HPS5: variants seen among roughly 807,000 people sequenced by gnomAD.
HPS5 encodes the protein BLOC-2 complex member HPS5.
A neutral mutation model predicts 128.0 loss-of-function variants in HPS5; 83 were observed. The observed-to-expected ratio is 0.65, with a 90% CI of 0.54 to 0.78. The LOEUF is 0.78. Among genes scored for constraint, HPS5 ranks in the 30% least tolerant of loss-of-function variants. HPS5 has a pLI of 0.00. For synonymous variants in HPS5, 475 were observed against 470.2 expected (o/e 1.01, Z -0.13); for missense variants, 1,281 against 1,326.2 (o/e 0.97, Z 0.53).
At position 18,311,899 on chromosome 11, in the gene HPS5, T is replaced by C; in HGVS notation, c.219+15A>G. 1 of 1,483,494 alleles carries C rather than the reference T, an allele frequency of 6.7e-7. No individual in the cohort carries two copies. Among genetic ancestry groups the C allele is most frequent in the Non-Finnish European group, 9.4e-7 (1 of 1,060,632 alleles). The allele number at this position is 1,483,494 out of a possible 1,614,324, so 91.9% of individuals were successfully genotyped here. A position where few individuals can be genotyped will look rare whatever the true frequency, so the allele number is the denominator to read the frequency against. On this transcript the variant is annotated intron_variant, in intron 3 of 22. Transcript: ENST00000349215. ...GACTCCAAATGGTGTATGACAGAGC[T>C]GCCCTTAATCTTACCCTGTGTGAAA...
chr11:18,283,636 A>G (rs1321505580), intron 21 of HPS5, among the ~76,000 whole-genome samples, 159 bp downstream of exon 21: 2 of 152,150 alleles, frequency 1.3e-5, no homozygotes, highest in Admixed American at 1.3e-4. Flanking sequence ...TATAGGTAAA[A>G]AACAAAAACA....
In HPS5 at chr11:18,300,688, C is replaced by A. The variant is rs539706425; in HGVS notation, c.985+140G>T. The A allele has an allele frequency of 2.1e-4, 113 of 536,120 alleles. 2 individuals are homozygous for A. The East Asian group carries it at 2.6e-3, about 12-fold the overall frequency. 33.2% of individuals were successfully genotyped at this position (536,120 alleles called of 1,614,324 possible). A position where few individuals can be genotyped will look rare whatever the true frequency, so the allele number is the denominator to read the frequency against. ...CTCCAGCCTGGGTGACAGAGCAAGACTTAGTCTCAAAAAAAAAAAAAAAAA... is the reference window on the plus strand; with the variant it reads ...CTCCAGCCTGGGTGACAGAGCAAGAATTAGTCTCAAAAAAAAAAAAAAAAA... On this transcript the variant is annotated intron_variant, in intron 9 of 22. Coordinates refer to ENST00000349215, the MANE Select transcript of HPS5 (RefSeq NM_181507.2).
At chr11:18,307,729 TA>T (rs1259822971) in intron 6 of HPS5, among the ~76,000 whole-genome samples, 25 of 144,518 alleles carry the variant, frequency 1.7e-4, no homozygotes, top group African/African-American at 2.5e-4. Flanking sequence ...GTCTCAGCTT[TA>T]AAAAAAAAAA....
chr11:18,321,745 G>A (rs1864387107), intron 1 of HPS5, among the ~76,000 whole-genome samples: 1 of 152,118 alleles, frequency 6.6e-6, no homozygotes, highest in South Asian at 2.1e-4. Context: ...TTTCACAATG[G>A]GATCTTTCTA....
intron 8 of HPS5, among the ~76,000 whole-genome samples, chr11:18,302,168 T>C (rs987095248): frequency 6.6e-6 from 1 of 152,272 alleles, no homozygotes. Flanking sequence ...TTGGTTCTCT[T>C]TCTCTCCAGT....
At position 18,286,695 on chromosome 11, in the gene HPS5, C is replaced by A; in HGVS notation, c.2733G>T (p.Glu911Asp). 1 of 1,613,906 alleles carries A rather than the reference C, an allele frequency of 6.2e-7. No homozygotes were observed. The highest frequency in any genetic ancestry group is 8.5e-7 in the Non-Finnish European group (1 of 1,179,960). The change falls in exon 19 of 23, where the codon GAG (glutamate) becomes GAT (aspartate). Residue 911 changes from glutamate to aspartate, a missense_variant. By Grantham distance (45) the Glu-to-Asp change is conservative. Transcript: ENST00000349215. ...RPEDQRSSFLESLLQPESLRL... is the reference protein window; with the variant it reads ...RPEDQRSSFLDSLLQPESLRL... ...TTAAAGACTCTGGTTGCAGAAGGGA[C>A]TCAAGAAAAGATGACCTAAGAGAAA...
At position 18,291,834 on chromosome 11, in the gene HPS5, A is replaced by ATGATTT; in HGVS notation, c.2047_2048insAAATCA (p.Gly682_Ile683insLysIle). The stretch of plus-strand genomic sequence containing the variant: ...TTCTTTTTCATTATCTTCATCTAAT[A>ATGATTT]TTCCCTTTTTTGATTCATTAACTAA... On this transcript the variant is annotated inframe_insertion, in exon 16 of 23. Coordinates refer to ENST00000349215, the MANE Select transcript of HPS5 (RefSeq NM_181507.2). 1 of 1,611,896 alleles carries ATGATTT rather than the reference A, an allele frequency of 6.2e-7. No individual in the cohort carries two copies. The highest frequency in any genetic ancestry group is 8.5e-7 in the Non-Finnish European group (1 of 1,179,220).
intron 22 of HPS5, chr11:18,280,655 G>A (rs1858777692): frequency 3.0e-6 from 2 of 674,492 alleles, no homozygotes; most frequent in East Asian, 2.8e-5. Flanking sequence ...GTCAACAGAT[G>A]AATGGATAAA....
chr11:18,312,119 C>A, intron 2 of HPS5, 95 bp from the exon 3 acceptor site: 1 of 921,784 alleles, frequency 1.1e-6, no homozygotes, highest in Non-Finnish European at 1.8e-6. Flanking sequence ...ATGCATCAGG[C>A]TCCTTCCCTC....
intron 20 of HPS5, 71 bp downstream of exon 20, chr11:18,285,275 C>A (rs1859557991): frequency 2.2e-6 from 2 of 914,900 alleles, no homozygotes; most frequent in Non-Finnish European, 3.6e-6. Context: ...TTAATTCAGA[C>A]CCTTAACTAT....
At chr11:18,285,240 G>A in intron 20 of HPS5, 106 bp downstream of exon 20, 1 of 636,242 alleles carries the variant, frequency 1.6e-6, no homozygotes, top group South Asian at 2.0e-5. Flanking sequence ...AAATAGCAAA[G>A]AGAATCCCCA....
chr11:18,317,791 G>A lies in HPS5; in HGVS notation c.68C>T (p.Pro23Leu), dbSNP rs1863823766. 1.2e-6 allele frequency: 2 copies of A among 1,613,702 alleles called. No individual in the cohort carries two copies. The highest frequency in any genetic ancestry group is 1.7e-6 in the Non-Finnish European group (2 of 1,179,858). The change falls in exon 2 of 23, where the codon CCA (proline) becomes CTA (leucine). Residue 23 changes from proline to leucine, a missense_variant. Coordinates refer to ENST00000349215, the MANE Select transcript of HPS5 (RefSeq NM_181507.2). ...HVLAEFESLD[P>L]LLSALRLDSS... ...GTCCAGCCGCAGGGCTGAGAGTAAT[G>A]GATCCAGAGATTCAAACTCTGCAAG...
In HPS5 at chr11:18,306,178, T is replaced by C. The variant is rs1175147028; in HGVS notation, c.781A>G (p.Lys261Glu). Reference sequence around the variant, plus strand: ...AGAGGTGGCAACGAGAGGAGTTTCTTGAACTGATGTGTACTTATAACTTCT... The same window carrying C: ...AGAGGTGGCAACGAGAGGAGTTTCTCGAACTGATGTGTACTTATAACTTCT... ...DGEVISTHQF[K>E]KLLSLPPLPV... is the part of the protein sequence containing the mutation. The change falls in exon 7 of 23, where the codon AAG becomes GAG. Residue 261 changes from lysine to glutamate, a missense_variant. Physicochemically the swap from Lys to Glu is moderately conservative, Grantham distance 56 (BLOSUM62 1). Coordinates refer to ENST00000349215, the MANE Select transcript of HPS5 (RefSeq NM_181507.2). The C allele has an allele frequency of 2.5e-6, 4 of 1,613,964 alleles. No homozygotes were observed. The East Asian group carries it at 6.7e-5, about 27-fold the overall frequency.
chr11:18,300,904 C>A lies in HPS5; in HGVS notation c.909G>T (p.Val303=). 6.3e-7 allele frequency: 1 copy of A among 1,593,486 alleles called. No homozygotes were observed. The highest frequency in any genetic ancestry group is 8.6e-7 in the Non-Finnish European group (1 of 1,161,442). ...AAATTCCTCTTTCTGTCCAAGTCAG[C>A]ACACAATGCTCACTGCAAGAGAAGA... ...PKLLHLSEHC[V]LTWTERGIYI... is the part of the protein sequence containing the mutation. The change falls in exon 9 of 23, where the codon GTG becomes GTT. Residue 303 remains valine (V), a synonymous_variant. Transcript: ENST00000349215.
At chr11:18,305,953 C>G (rs191998461) in intron 7 of HPS5, among the ~76,000 whole-genome samples, 182 bp downstream of exon 7, 2 of 152,118 alleles carry the variant, frequency 1.3e-5, no homozygotes, top group Non-Finnish European at 2.9e-5. Context: ...AGGATGGTCT[C>G]GATCTCCTGA....
At chr11:18,293,448 C>T (rs746940556) in intron 14 of HPS5, among the ~76,000 whole-genome samples, 4 of 152,044 alleles carry the variant, frequency 2.6e-5, no homozygotes, top group African/African-American at 4.8e-5. Flanking sequence ...CGTGAGCCAC[C>T]GCACCTGACC....
chr11:18,301,695 T>A (rs567225272), intron 8 of HPS5, among the ~76,000 whole-genome samples: 1 of 152,246 alleles, frequency 6.6e-6, no homozygotes, highest in African/African-American at 2.4e-5. Context: ...AGCTGACAAC[T>A]CCTGCTCAAC....
intron 14 of HPS5, among the ~76,000 whole-genome samples, chr11:18,294,764 C>T (rs929346904): frequency 6.6e-6 from 1 of 151,746 alleles, no homozygotes; most frequent in Non-Finnish European, 1.5e-5. Context: ...TTCCCCGGGC[C>T]ACATGGGAAG....
In HPS5 at chr11:18,291,792, C is replaced by A. The variant is rs1860435914; in HGVS notation, c.2090G>T (p.Gly697Val). Residue 697 changes from glycine (G) to valine (V), a missense_variant, in exon 16 of 23, where the codon GGC (glycine) becomes GTC (valine). By Grantham distance (109) the Gly-to-Val change is moderately radical. Coordinates refer to ENST00000349215, the MANE Select transcript of HPS5 (RefSeq NM_181507.2). ...TGTTTTATCAACAGATTCTTCATTG[C>A]CTAAAGAGTCCCTTTTTTCTTTTTC... ...DNEKEKRDSL[G>V]NEESVDKTAC... 1.2e-6 allele frequency: 2 copies of A among 1,613,668 alleles called. No individual in the cohort carries two copies. The highest frequency in any genetic ancestry group is 1.7e-6 in the Non-Finnish European group (2 of 1,179,726).
Sources: allele counts gnomAD v4.1 joint callset (sites outside exome capture counted in the v4.1 genomes callset), GRCh38; gene constraint gnomAD v4.1.1; transcripts MANE v1.5; gene names NCBI Gene and HGNC (gene_info 2026-07-23, HGNC 2026-07-21).